Variants in SLC6A11 observed in about 807,000 individuals in gnomAD.
SLC6A11 encodes solute carrier family 6 member 11, also known as sodium- and chloride-dependent GABA transporter 3.
A neutral mutation model predicts 74.8 loss-of-function variants in SLC6A11; 25 were observed. That is an observed-to-expected ratio of 0.33 (90% CI 0.24 to 0.47). SLC6A11 has a LOEUF of 0.47. SLC6A11 is among the 20% of genes least tolerant of loss of function. SLC6A11 has a pLI of 1.00. For missense variants in SLC6A11, 574 were observed against 837.0 expected, an observed-to-expected ratio of 0.69 and a Z score of 3.88; for synonymous variants, 330 against 330.2, an observed-to-expected ratio of 1.00 and a Z score of 0.01.
intron 5 of SLC6A11, among the ~76,000 whole-genome samples, chr3:10,849,826 A>T (rs1305088582): frequency 6.7e-6 from 1 of 150,220 alleles, no homozygotes; most frequent in African/African-American, 2.5e-5. Flanking sequence ...AAAAAAACGA[A>T]AAAAAACCCT....
At chr3:10,844,753 T>C (rs1353722890) in intron 5 of SLC6A11, among the ~76,000 whole-genome samples, 2 of 152,108 alleles carry the variant, frequency 1.3e-5, no homozygotes, top group African/African-American at 4.8e-5. Context: ...GACCCCAAGA[T>C]CTCAGGGGTG....
intron 5 of SLC6A11, among the ~76,000 whole-genome samples, chr3:10,849,465 C>T (rs138172049): frequency 7.2e-5 from 11 of 152,246 alleles, no homozygotes; most frequent in African/African-American, 2.6e-4. Context: ...ACCTCTCATC[C>T]AATTATTGAC....
chr3:10,858,960 C>A (rs763530797), intron 5 of SLC6A11, among the ~76,000 whole-genome samples: 1 of 152,030 alleles, frequency 6.6e-6, no homozygotes, highest in Non-Finnish European at 1.5e-5. Flanking sequence ...GGGCAGCCCT[C>A]GAGGGTATAT....
Position 10,869,513 on chromosome 3 carries a change from G to A in SLC6A11, c.757-5448G>A, listed in dbSNP as rs535515993. On this transcript the variant is annotated intron_variant, in intron 5 of 13. Transcript: ENST00000254488. ...CACAGGACAAACGTCTTGGGTGGCCGAGGAGCTGGGGATGGACTCTGTGGA... is the reference window on the plus strand; with the variant it reads ...CACAGGACAAACGTCTTGGGTGGCCAAGGAGCTGGGGATGGACTCTGTGGA... 6.1e-4 allele frequency among the ~76,000 whole-genome samples: 93 copies of A among 152,352 alleles called. 4 individuals carry two copies. The highest frequency in any genetic ancestry group is 2.2e-3 in the African/African-American group (91 of 41,590).
chr3:10,932,225 C>T (rs1247697860), intron 10 of SLC6A11, among the ~76,000 whole-genome samples: 1 of 152,130 alleles, frequency 6.6e-6, no homozygotes, highest in Non-Finnish European at 1.5e-5. Context: ...CATTCTAGGA[C>T]ATCACTAAAC....
chr3:10,917,250 C>T (rs912097194), intron 7 of SLC6A11, among the ~76,000 whole-genome samples: 3 of 152,136 alleles, frequency 2.0e-5, no homozygotes, highest in African/African-American at 7.2e-5. Context: ...AGAGAACAAG[C>T]ATGGGTGAAT....
intron 11 of SLC6A11, 44 bp from the exon 12 acceptor site, chr3:10,934,022 C>G (rs761047228): frequency 7.2e-7 from 1 of 1,391,050 alleles, no homozygotes; most frequent in Non-Finnish European, 1.0e-6. Context: ...ATGTACAAAA[C>G]TTCTCTGGGG....
chr3:10,908,110 A>G (rs1455821644), intron 6 of SLC6A11, among the ~76,000 whole-genome samples: 8 of 152,200 alleles, frequency 5.3e-5, no homozygotes, highest in African/African-American at 1.7e-4. Flanking sequence ...CAGCCTTGGC[A>G]ACATAGCAAG....
At chr3:10,817,566 C>T (rs1286993397) in intron 1 of SLC6A11, among the ~76,000 whole-genome samples, 1 of 152,198 alleles carries the variant, frequency 6.6e-6, no homozygotes, top group African/African-American at 2.4e-5. Flanking sequence ...TCTCTCTTCT[C>T]TTTGCTGTGC....
intron 5 of SLC6A11, among the ~76,000 whole-genome samples, chr3:10,848,214 A>T (rs764718352): frequency 6.6e-6 from 1 of 152,182 alleles, no homozygotes; most frequent in Non-Finnish European, 1.5e-5. Context: ...CTGGCCTTTC[A>T]TCAGTAGACC....
chr3:10,867,341 C>T (rs1219382772), intron 5 of SLC6A11, among the ~76,000 whole-genome samples: 2 of 152,202 alleles, frequency 1.3e-5, no homozygotes, highest in African/African-American at 4.8e-5. Flanking sequence ...GCATTGTGAC[C>T]TAGAATTCCC....
At chr3:10,927,195 A>G (rs917074892) in intron 9 of SLC6A11, among the ~76,000 whole-genome samples, 4 of 151,860 alleles carry the variant, frequency 2.6e-5, no homozygotes, top group Non-Finnish European at 5.9e-5. Context: ...TCTGCTGATA[A>G]TCTTCCCTTA....
intron 6 of SLC6A11, among the ~76,000 whole-genome samples, chr3:10,883,336 G>A (rs937451702): frequency 6.6e-6 from 1 of 152,274 alleles, no homozygotes; most frequent in Admixed American, 6.5e-5. Context: ...AGGGGATCTT[G>A]CAAGAAATCA....
chr3:10,838,999 C>G (rs554151634), intron 4 of SLC6A11, among the ~76,000 whole-genome samples: 102 of 152,210 alleles, frequency 6.7e-4, no homozygotes, highest in African/African-American at 2.3e-3. Flanking sequence ...TTGGTTCCCC[C>G]ACTCCTTCCC....
At chr3:10,892,375 C>T (rs1695116859) in intron 6 of SLC6A11, among the ~76,000 whole-genome samples, 1 of 152,206 alleles carries the variant, frequency 6.6e-6, no homozygotes, top group African/African-American at 2.4e-5. Context: ...GCTGCTCAGC[C>T]TCCTATGCTG....
At chr3:10,824,169 G>T (rs1028265960) in intron 4 of SLC6A11, 1 of 152,204 alleles carries the variant, frequency 6.6e-6, no homozygotes, top group Non-Finnish European at 1.5e-5. Flanking sequence ...TTCCAGAATT[G>T]TGTGGTGCAC....
At chr3:10,863,750 G>A (rs1038816009) in intron 5 of SLC6A11, among the ~76,000 whole-genome samples, 2 of 152,170 alleles carry the variant, frequency 1.3e-5, no homozygotes, top group East Asian at 3.9e-4. Flanking sequence ...CAGGTGAAGG[G>A]TGACATGAAA....
intron 5 of SLC6A11, among the ~76,000 whole-genome samples, chr3:10,867,833 C>G (rs1319229587): frequency 6.6e-6 from 1 of 152,172 alleles, no homozygotes; most frequent in Non-Finnish European, 1.5e-5. Flanking sequence ...GCTTCTCCTG[C>G]TTTTGAACAA....
chr3:10,821,740 G>A (rs188592702), intron 3 of SLC6A11, among the ~76,000 whole-genome samples: 348 of 152,020 alleles, frequency 2.3e-3, no homozygotes, highest in Non-Finnish European at 3.7e-3. Flanking sequence ...TTTATAACTT[G>A]TTGTTTATTT....
Sources: gnomAD v4.1 joint callset for allele counts (sites outside exome capture counted in the v4.1 genomes callset) on GRCh38, gnomAD v4.1.1 for gene constraint, MANE v1.5 for transcripts, NCBI Gene and HGNC (gene_info 2026-07-23, HGNC 2026-07-21) for gene names.